The following SLC30A8 variants were observed in gnomAD, a reference collection of about 807,000 sequenced individuals.
The protein encoded by SLC30A8 is solute carrier family 30 member 8.
A neutral mutation model predicts 36.9 loss-of-function variants in SLC30A8; 27 were observed. That is an observed-to-expected ratio of 0.73 (90% confidence interval 0.54 to 1.01). The LOEUF is 1.01. Ranked by LOEUF, SLC30A8 falls within the 50% of genes least tolerant of loss-of-function variation. The pLI, the probability that SLC30A8 is intolerant of heterozygous loss-of-function variation, is 0.00. For missense variants in SLC30A8, 439 were observed against 452.0 expected (o/e 0.97, Z 0.26); for synonymous variants, 164 against 172.4 (o/e 0.95, Z 0.38).
intron 1 of SLC30A8, among the ~76,000 whole-genome samples, chr8:116,958,835 C>A (rs1413463813): frequency 4.0e-5 from 4 of 99,736 alleles, no homozygotes; most frequent in African/African-American, 1.6e-4. Flanking sequence ...CACTGATGCT[C>A]TTTTCATTTT....
chr8:117,035,128 C>T (rs1817172822), intron 1 of SLC30A8, among the ~76,000 whole-genome samples: 3 of 152,166 alleles, frequency 2.0e-5, no homozygotes, highest in African/African-American at 4.8e-5. Context: ...TTTCACATTT[C>T]AAAACACAAT....
At chr8:116,955,380 G>A (rs561210881) in intron 1 of SLC30A8, among the ~76,000 whole-genome samples, 6 of 152,240 alleles carry the variant, frequency 3.9e-5, no homozygotes, top group Admixed American at 1.3e-4. Flanking sequence ...GATACACAGA[G>A]AGAACACCAT....
chr8:117,068,733 T>C (rs1818241467), intron 2 of SLC30A8, among the ~76,000 whole-genome samples: 1 of 152,064 alleles, frequency 6.6e-6, no homozygotes, highest in African/African-American at 2.4e-5. Flanking sequence ...CCCTCCATCA[T>C]GCTCGGCTAA....
chr8:117,067,675 GT>G (rs1818210629), intron 2 of SLC30A8, among the ~76,000 whole-genome samples: 1 of 152,132 alleles, frequency 6.6e-6, no homozygotes, highest in Admixed American at 6.5e-5. Context: ...AAGCTGTTCA[GT>G]TTTTTGTTGA....
chr8:117,006,730 C>T (rs1377589547), intron 1 of SLC30A8, among the ~76,000 whole-genome samples: 1 of 150,850 alleles, frequency 6.6e-6, no homozygotes, highest in Non-Finnish European at 1.5e-5. Context: ...TAAGTAACAT[C>T]ACACGGCTAG....
chr8:117,073,655 T>C (rs1280634032), intron 2 of SLC30A8, among the ~76,000 whole-genome samples: 5 of 152,218 alleles, frequency 3.3e-5, no homozygotes. Flanking sequence ...GTCTGTCTCA[T>C]TCAGTACCAT....
intron 1 of SLC30A8, among the ~76,000 whole-genome samples, chr8:117,135,978 G>T (rs1429742047): frequency 6.6e-6 from 1 of 151,858 alleles, no homozygotes; most frequent in South Asian, 2.1e-4. Context: ...GAACACACCT[G>T]TAGTAAGTGC....
intron 2 of SLC30A8, among the ~76,000 whole-genome samples, chr8:117,072,497 A>G (rs765997147): frequency 6.6e-6 from 1 of 152,178 alleles, no homozygotes; most frequent in Admixed American, 6.5e-5. Flanking sequence ...CTTAATACCT[A>G]GTATACATCT....
chr8:117,150,691 C>T (rs560665399), intron 2 of SLC30A8, among the ~76,000 whole-genome samples: 121 of 152,190 alleles, frequency 8.0e-4, no homozygotes, highest in African/African-American at 2.6e-3. Flanking sequence ...CTGCAAGCTC[C>T]GCCTCCCGGG....
At position 117,156,099 on chromosome 8, in the gene SLC30A8, G is replaced by A. The variant is rs1490266642; in HGVS notation, c.419-1592G>A. On this transcript the variant is annotated intron_variant, in intron 3 of 7. Coordinates refer to ENST00000456015, the MANE Select transcript of SLC30A8 (RefSeq NM_173851.3). ...CTGTTGCCCGGGATGGAGTGCAGTGGCACAATCTTGGCCCATTGCAACCTC... is the reference window on the plus strand; with the variant it reads ...CTGTTGCCCGGGATGGAGTGCAGTGACACAATCTTGGCCCATTGCAACCTC... Among the ~76,000 whole-genome samples, 9 of 151,996 alleles carry A rather than the reference G, an allele frequency of 5.9e-5. No individual in the cohort carries two copies. The East Asian group carries it at 1.7e-3, about 29-fold the overall frequency.
intron 1 of SLC30A8, among the ~76,000 whole-genome samples, chr8:117,012,724 TACACAC>T (rs376889831): frequency 0.011 from 1,403 of 126,392 alleles, 31 homozygotes; most frequent in African/African-American, 0.037. Flanking sequence ...GACATATGTA[TACACAC>T]ACACACACAC....
At chr8:117,055,957 A>G (rs768822742) in intron 2 of SLC30A8, 1 of 152,370 alleles carries the variant, frequency 6.6e-6, no homozygotes. Flanking sequence ...CAATAATTCC[A>G]TGCCCATAAA....
At chr8:117,056,730 C>T (rs142358165) in intron 2 of SLC30A8, among the ~76,000 whole-genome samples, 330 of 152,158 alleles carry the variant, frequency 2.2e-3, no homozygotes, top group African/African-American at 7.6e-3. Context: ...CACTTATAAG[C>T]CCTTTGGGGA....
intron 1 of SLC30A8, among the ~76,000 whole-genome samples, chr8:117,016,604 A>G (rs1055512233): frequency 1.3e-5 from 2 of 152,200 alleles, no homozygotes; most frequent in South Asian, 2.1e-4. Flanking sequence ...TACTGTCATC[A>G]TTTCAGCAGA....
At chr8:117,157,916 T>G (rs1822584032) in intron 4 of SLC30A8, 72 bp downstream of exon 4, 1 of 1,539,670 alleles carries the variant, frequency 6.5e-7, no homozygotes. Context: ...AGTCGACCTT[T>G]TAAAAAACTC....
At chr8:117,011,412 C>A (rs1429506674) in intron 1 of SLC30A8, among the ~76,000 whole-genome samples, 1 of 152,148 alleles carries the variant, frequency 6.6e-6, no homozygotes, top group Non-Finnish European at 1.5e-5. Flanking sequence ...CCTTGAAATG[C>A]CAAATAGCTC....
intron 1 of SLC30A8, among the ~76,000 whole-genome samples, chr8:116,968,839 C>T (rs570925995): frequency 3.9e-5 from 6 of 152,126 alleles, no homozygotes; most frequent in South Asian, 2.1e-4. Context: ...TGGGTTGAAA[C>T]GATTCTCTTG....
chr8:116,953,404 T>C (rs1814069158), intron 1 of SLC30A8, among the ~76,000 whole-genome samples: 1 of 152,230 alleles, frequency 6.6e-6, no homozygotes, highest in Admixed American at 6.5e-5. Flanking sequence ...ATTTATAATT[T>C]TAATTATTGT....
chr8:117,129,414 T>A (rs567605880), intron 2 of SLC30A8, among the ~76,000 whole-genome samples: 1 of 152,148 alleles, frequency 6.6e-6, no homozygotes, highest in East Asian at 1.9e-4. Context: ...AAAATTAGTA[T>A]CCACTGGGAC....
Sources: gnomAD v4.1 joint callset for allele counts (sites outside exome capture counted in the v4.1 genomes callset) on GRCh38, gnomAD v4.1.1 for gene constraint, MANE v1.5 for transcripts, NCBI Gene and HGNC (gene_info 2026-07-23, HGNC 2026-07-21) for gene names.